RTBDN: variants seen among roughly 807,000 people sequenced by gnomAD.
The protein encoded by RTBDN is retbindin.
A neutral mutation model predicts 21.9 loss-of-function variants in RTBDN; 24 were observed. The ratio of observed to expected loss-of-function variants is 1.10; its 90% CI spans 0.79 to 1.54. The LOEUF (loss-of-function observed/expected upper bound fraction) is 1.54, where lower values mean the gene tolerates loss of function less well. Among genes scored for constraint, RTBDN ranks in the 40% most tolerant of loss-of-function variants. RTBDN has a pLI of 0.00. For missense variants in RTBDN, 325 were observed against 315.2 expected (o/e 1.03, Z -0.23); for synonymous variants, 141 against 125.9 (o/e 1.12, Z -0.80).
intron 2 of RTBDN, chr19:12,829,161 G>T: frequency 1.2e-6 from 1 of 817,206 alleles, no homozygotes; most frequent in Non-Finnish European, 1.8e-6. Flanking sequence ...CTTGTCATGT[G>T]CCTGGTAGTG....
At chr19:12,833,105 G>A (rs934046873) in intron 1 of RTBDN, 15 of 152,256 alleles carry the variant, frequency 9.9e-5, no homozygotes, top group African/African-American at 3.4e-4. Context: ...TGACCGTGAG[G>A]GAGGGGTCGC....
Position 12,829,873 on chromosome 19 carries a change from G to T in RTBDN, c.107C>A (p.Ala36Asp). 6.2e-7 allele frequency: 1 copy of T among 1,614,188 alleles called. No homozygotes were observed. Among genetic ancestry groups the T allele is most frequent in the Non-Finnish European group, 8.5e-7 (1 of 1,180,030 alleles). ...EACGGSRPLQ[A>D]RSQQHHGLAA... ...CAGCCCATGGTGTTGCTGGGACCTG[G>T]CTTGGAGTGGGCGGCTCCCTCCACA... is the stretch of plus-strand genomic sequence containing the variant. Residue 36 changes from alanine (A) to aspartate (D), a missense_variant, in exon 2 of 6, where the codon GCC becomes GAC. Coordinates refer to ENST00000674343, the MANE Select transcript of RTBDN (RefSeq NM_001270441.2).
At chr19:12,828,434 G>A (rs958841337) in intron 4 of RTBDN, among the ~76,000 whole-genome samples, 3 of 145,252 alleles carry the variant, frequency 2.1e-5, no homozygotes, top group African/African-American at 7.9e-5. Context: ...AGAAATCGCA[G>A]GGCTATGAAA....
In RTBDN at chr19:12,826,787, A is replaced by G. The variant is rs923156952; in HGVS notation, c.450T>C (p.Leu150=). The G allele has an allele frequency of 1.5e-5, 23 of 1,552,376 alleles. No individual in the cohort carries two copies. The highest frequency in any genetic ancestry group is 1.2e-5 in the South Asian group (1 of 84,164). The change falls in exon 5 of 6, where the codon CTT becomes CTC. Residue 150 remains leucine (L), a synonymous_variant. Transcript: ENST00000674343. ...SEKRGCEPSC[L]TYGQTFADGT... ...GCCCCACGCTCACCTGTCCATAGGT[A>G]AGGCAGCTGGGCTCACAGCCCCTTT...
At chr19:12,828,842 G>C (rs371817309) in intron 3 of RTBDN, 27 bp downstream of exon 3, 5 of 1,614,152 alleles carry the variant, frequency 3.1e-6, no homozygotes, top group Non-Finnish European at 4.2e-6. Context: ...AAGTACGCGA[G>C]AAAACGGTGG....
chr19:12,834,023 GC>G lies in RTBDN; in HGVS notation c.-19+465del. On this transcript the variant is annotated intron_variant, in intron 1 of 5. Transcript: ENST00000674343. The surrounding 1 kb of genome is among the most constrained non-coding windows in gnomAD (Gnocchi z 4.7). ...AGGCTGCAGGTACGCGGCTGCCTGG[GC>G]CCCGGGTGGAGAGGAAGGGGTCGGC... 2.5e-6 allele frequency: 1 copy of G among 398,576 alleles called. No homozygotes were observed. 24.7% of individuals were successfully genotyped at this position (398,576 alleles called of 1,614,324 possible).
In RTBDN at chr19:12,828,773, C is replaced by T. The variant is rs1969428327; in HGVS notation, c.255-6G>A. On this transcript the variant is annotated splice_region_variant and splice_polypyrimidine_tract_variant and intron_variant, in intron 3 of 5. Coordinates refer to ENST00000674343, the MANE Select transcript of RTBDN (RefSeq NM_001270441.2). Reference sequence around the variant, plus strand: ...GTTCCAGGAAGGATTCGCATCTGGACGTTGGGAGAGATAGGGTCGGATGGG... The same window carrying T: ...GTTCCAGGAAGGATTCGCATCTGGATGTTGGGAGAGATAGGGTCGGATGGG... 1 of 1,613,976 alleles carries T rather than the reference C, an allele frequency of 6.2e-7. No homozygotes were observed. Among genetic ancestry groups the T allele is most frequent in the South Asian group, 1.1e-5 (1 of 91,090 alleles).
chr19:12,834,431 C>A lies in RTBDN; in HGVS notation c.-19+58G>T. ...AACATGTTTGTGCGGCAACCTCGCC[C>A]CTCACCACCCCAGGAGCCCCCTCCC... On this transcript the variant is annotated intron_variant, in intron 1 of 5. Coordinates refer to ENST00000674343, the MANE Select transcript of RTBDN (RefSeq NM_001270441.2). This position sits in a 1 kb window ranked among gnomAD's most constrained non-coding sequence, Gnocchi z 4.7. 1.5e-6 allele frequency: 2 copies of A among 1,362,274 alleles called. No individual in the cohort carries two copies. The highest frequency in any genetic ancestry group is 1.4e-5 in the African/African-American group (1 of 69,482). The allele number at this position is 1,362,274 out of a possible 1,614,324, so 84.4% of individuals were successfully genotyped here.
Position 12,830,104 on chromosome 19 carries a change from G to T in RTBDN, c.-18-107C>A. The T allele has an allele frequency of 7.3e-7, 1 of 1,379,064 alleles. No homozygotes were observed. The highest frequency in any genetic ancestry group is 1.4e-5 in the African/African-American group (1 of 69,658). The allele number at this position is 1,379,064 out of a possible 1,614,324, so 85.4% of individuals were successfully genotyped here. On this transcript the variant is annotated intron_variant, in intron 1 of 5. Coordinates refer to ENST00000674343, the MANE Select transcript of RTBDN (RefSeq NM_001270441.2). This position sits in a 1 kb window ranked among gnomAD's most constrained non-coding sequence, Gnocchi z 4.2. The stretch of plus-strand genomic sequence containing the variant: ...TGCCAGGCAGAGTAGGGAAAGTGCA[G>T]CTGAGGAGGAGGCTGGGGCAGTGGC...
chr19:12,832,700 C>T (rs1476411562), intron 1 of RTBDN: 1 of 152,244 alleles, frequency 6.6e-6, no homozygotes, highest in East Asian at 1.9e-4. Flanking sequence ...ACAAATGTGC[C>T]GACAAACATA....
chr19:12,828,945 A>G lies in RTBDN; in HGVS notation c.178T>C (p.Cys60Arg). The change falls in exon 3 of 6, where the codon TGT becomes CGT. Residue 60 changes from cysteine (C) to arginine (R), a missense_variant. By Grantham distance (180) the Cys-to-Arg change is radical. Coordinates refer to ENST00000674343, the MANE Select transcript of RTBDN (RefSeq NM_001270441.2). ...KGKLHLAGPC[C>R]PSEMDTTETS... The stretch of plus-strand genomic sequence containing the variant: ...TCTGTTGTGTCCATCTCTGAGGGAC[A>G]ACAAGGTCCTGGCAAAGGGGAACCC... 1 of 1,614,186 alleles carries G rather than the reference A, an allele frequency of 6.2e-7. No homozygotes were observed. Among genetic ancestry groups the G allele is most frequent in the Non-Finnish European group, 8.5e-7 (1 of 1,180,030 alleles).
upstream of RTBDN, chr19:12,835,152 T>G (rs1343216539): frequency 6.3e-7 from 1 of 1,583,382 alleles, no homozygotes; most frequent in Non-Finnish European, 8.7e-7. Flanking sequence ...GGGGAGCTGA[T>G]TGGTCAGTGC....
chr19:12,833,727 C>A (rs528395906), intron 1 of RTBDN, among the ~76,000 whole-genome samples: 1 of 143,712 alleles, frequency 7.0e-6, no homozygotes, highest in East Asian at 2.2e-4. Flanking sequence ...CCCCCCCGCC[C>A]GCCCCTTCCC....
Position 12,830,010 on chromosome 19 carries a change from G to A in RTBDN, c.-18-13C>T. On this transcript the variant is annotated splice_polypyrimidine_tract_variant and intron_variant, in intron 1 of 5. Transcript: ENST00000674343. This position sits in a 1 kb window ranked among gnomAD's most constrained non-coding sequence, Gnocchi z 4.2. ...CCTGAGATAAGAGCTGGCAGGCATA[G>A]GGTGGGGTTCAGCCATCCCTTTCTG... 1 of 1,594,834 alleles carries A rather than the reference G, an allele frequency of 6.3e-7. No homozygotes were observed. Among genetic ancestry groups the A allele is most frequent in the Non-Finnish European group, 8.6e-7 (1 of 1,164,528 alleles).
upstream of RTBDN, chr19:12,835,267 T>A (rs193099617): frequency 9.6e-5 from 63 of 656,612 alleles, no homozygotes; most frequent in East Asian, 1.6e-3. Context: ...AGAGCCCAGA[T>A]GGCCCGATCT....
chr19:12,833,173 G>A (rs1438021064), intron 1 of RTBDN, among the ~76,000 whole-genome samples: 2 of 152,050 alleles, frequency 1.3e-5, no homozygotes, highest in African/African-American at 4.8e-5. Flanking sequence ...TGGGTGGGGG[G>A]GCATAATATG....
chr19:12,826,596 C>T (rs35201614), intron 5 of RTBDN, 179 bp downstream of exon 5: 5 of 697,972 alleles, frequency 7.2e-6, no homozygotes, highest in South Asian at 1.9e-5. Context: ...CGGGAGGTTG[C>T]GGCAGGAGAA....
chr19:12,834,219 G>A lies in RTBDN; in HGVS notation c.-19+270C>T, dbSNP rs1969678580. ...CGCCCGGCGATCCAGGGAGCTGCCG[G>A]AGGGGTGCAGCCTAGCGCTCCCCCT... On this transcript the variant is annotated intron_variant, in intron 1 of 5. Transcript: ENST00000674343. The surrounding 1 kb of genome is among the most constrained non-coding windows in gnomAD (Gnocchi z 4.7). 6.6e-6 allele frequency among the ~76,000 whole-genome samples: 1 copy of A among 152,158 alleles called. No individual in the cohort carries two copies.
chr19:12,832,600 G>A (rs1319023042), intron 1 of RTBDN: 1 of 152,222 alleles, frequency 6.6e-6, no homozygotes, highest in Non-Finnish European at 1.5e-5. Context: ...GAGAGCTCCC[G>A]CGGTCGCCAT....
Sources: gnomAD v4.1 joint callset for allele counts (sites outside exome capture counted in the v4.1 genomes callset) on GRCh38, gnomAD v4.1.1 for gene constraint, Gnocchi (gnomAD v3.1) non-coding constraint, MANE v1.5 for transcripts, NCBI Gene and HGNC (gene_info 2026-07-23, HGNC 2026-07-21) for gene names.